Variants in SEPTIN14 observed in about 807,000 individuals in gnomAD.
SEPTIN14 encodes septin 14.
A neutral mutation model predicts 53.6 loss-of-function variants in SEPTIN14; 40 were observed. That is an observed-to-expected ratio of 0.75 (90% CI 0.58 to 0.97). The LOEUF (loss-of-function observed/expected upper bound fraction) is 0.97, where lower values mean the gene tolerates loss of function less well. SEPTIN14 is among the 50% of genes least tolerant of loss of function. SEPTIN14 has a pLI of 0.00. For missense variants in SEPTIN14, 471 were observed against 508.2 expected (o/e 0.93, Z 0.70); for synonymous variants, 138 against 166.8 (o/e 0.83, Z 1.33).
In SEPTIN14 at chr7:55,844,508, T is replaced by G; in HGVS notation, c.371+15A>C. On this transcript the variant is annotated intron_variant, in intron 4 of 9. Coordinates refer to ENST00000388975, the MANE Select transcript of SEPTIN14 (RefSeq NM_207366.3). ...ATAAGAAAACCTTTTTTAATTTAAA[T>G]AAGAAAACACTCACCTGGCTTCTTT... 7.1e-7 allele frequency: 1 copy of G among 1,401,900 alleles called. No homozygotes were observed. The highest frequency in any genetic ancestry group is 9.5e-7 in the Non-Finnish European group (1 of 1,050,536). The allele number at this position is 1,401,900 out of a possible 1,614,324, so 86.8% of individuals were successfully genotyped here.
chr7:55,814,181 C>T (rs1788754248), intron 7 of SEPTIN14, among the ~76,000 whole-genome samples: 1 of 152,116 alleles, frequency 6.6e-6, no homozygotes, highest in South Asian at 2.1e-4. Flanking sequence ...GCTTGGGGTA[C>T]CACCTAATAC....
At chr7:55,834,671 C>G (rs984687726) in intron 5 of SEPTIN14, 85 bp from the exon 6 acceptor site, 35 of 1,148,776 alleles carry the variant, frequency 3.0e-5, no homozygotes, top group Middle Eastern at 4.9e-4. Context: ...GAGACGGAGT[C>G]TCGCTTTGTC....
chr7:55,862,060 A>G (rs991960597), intron 1 of SEPTIN14, 49 bp from the exon 2 acceptor site: 28 of 1,127,072 alleles, frequency 2.5e-5, no homozygotes, highest in African/African-American at 4.7e-5. Context: ...TACAAAGGCT[A>G]TATTCTTACT....
At chr7:55,831,491 C>T (rs1445487696) in intron 6 of SEPTIN14, among the ~76,000 whole-genome samples, 1 of 152,082 alleles carries the variant, frequency 6.6e-6, no homozygotes, top group East Asian at 1.9e-4. Flanking sequence ...GTATTAATGA[C>T]TTAAATGAAA....
Position 55,807,096 on chromosome 7 carries a change from G to A in SEPTIN14, c.980C>T (p.Pro327Leu). 6.3e-7 allele frequency: 1 copy of A among 1,586,980 alleles called. No individual in the cohort carries two copies. The highest frequency in any genetic ancestry group is 8.5e-7 in the Non-Finnish European group (1 of 1,171,704). ...TAGCAATATTTTTACTCACCTAACT[G>A]GCTGGTTGTTTGGACCCACATCTGT... ...GFTDVGPNNQ[P>L]VSFQEIFEAK... Residue 327 changes from proline to leucine, a missense_variant, in exon 8 of 10, where the codon CCA becomes CTA. By Grantham distance (98) the Pro-to-Leu change is moderately conservative. Transcript: ENST00000388975.
At chr7:55,797,759 A>G (rs749222549) in intron 9 of SEPTIN14, among the ~76,000 whole-genome samples, 1 of 152,194 alleles carries the variant, frequency 6.6e-6, no homozygotes, top group Non-Finnish European at 1.5e-5. Context: ...ACCTGAGGTC[A>G]GGAGGTCAAG....
In SEPTIN14 at chr7:55,794,571, A is replaced by C. The variant is rs1454708402; in HGVS notation, c.*1342T>G. 2 of 152,204 alleles carry C rather than the reference A, an allele frequency of 1.3e-5. No individual in the cohort carries two copies. The highest frequency in any genetic ancestry group is 2.9e-5 in the Non-Finnish European group (2 of 68,046). 9.4% of individuals were successfully genotyped at this position (152,204 alleles called of 1,614,324 possible). A position where few individuals can be genotyped will look rare whatever the true frequency, so the allele number is the denominator to read the frequency against. On this transcript the variant is annotated 3_prime_UTR_variant, in exon 10 of 10. Coordinates refer to ENST00000388975, the MANE Select transcript of SEPTIN14 (RefSeq NM_207366.3). The stretch of plus-strand genomic sequence containing the variant: ...TAGAGTTTCCATTAAAAGATCATTT[A>C]GTAAAATTTTTCTTCCCCCAAATTA...
At chr7:55,801,400 A>G (rs75884534) in intron 9 of SEPTIN14, among the ~76,000 whole-genome samples, 2,301 of 152,266 alleles carry the variant, frequency 0.015, 57 homozygotes, top group African/African-American at 0.05. Flanking sequence ...TGAGACTACT[A>G]TGAAAAATTA....
intron 2 of SEPTIN14, among the ~76,000 whole-genome samples, chr7:55,857,544 G>A (rs1361035110): frequency 2.7e-4 from 31 of 116,030 alleles, no homozygotes; most frequent in African/African-American, 9.4e-4. Flanking sequence ...GAAAGGAAGA[G>A]AGGAGGGGAG....
chr7:55,846,600 C>A lies in SEPTIN14; in HGVS notation c.92G>T (p.Gly31Val). The A allele has an allele frequency of 6.6e-7, 1 of 1,510,530 alleles. No individual in the cohort carries two copies. The highest frequency in any genetic ancestry group is 9.2e-7 in the Non-Finnish European group (1 of 1,090,072). 93.6% of individuals were successfully genotyped at this position (1,510,530 alleles called of 1,614,324 possible). The change falls in exon 3 of 10, where the codon GGA becomes GTA. Residue 31 changes from glycine (G) to valine (V), a missense_variant. Coordinates refer to ENST00000388975, the MANE Select transcript of SEPTIN14 (RefSeq NM_207366.3). Reference protein sequence around the residue: ...ENNIRCLTTIGHFGFECLPNQ... With the variant: ...ENNIRCLTTIVHFGFECLPNQ... ...GGGCAAACATTCAAAACCAAAATGT[C>A]CAATCGTAGTTAAACAACGAATATT...
chr7:55,801,054 C>A (rs549865266), intron 9 of SEPTIN14, among the ~76,000 whole-genome samples: 1 of 151,902 alleles, frequency 6.6e-6, no homozygotes, highest in African/African-American at 2.4e-5. Flanking sequence ...TGGGATACAG[C>A]AAAAGCAGTT....
intron 6 of SEPTIN14, among the ~76,000 whole-genome samples, chr7:55,831,902 A>T (rs1789113537): frequency 6.6e-6 from 1 of 152,168 alleles, no homozygotes; most frequent in Non-Finnish European, 1.5e-5. Flanking sequence ...GAGAAATGCA[A>T]ATTAAAACCA....
intron 7 of SEPTIN14, among the ~76,000 whole-genome samples, chr7:55,818,640 T>C (rs775860258): frequency 2.0e-5 from 3 of 152,214 alleles, no homozygotes; most frequent in Non-Finnish European, 4.4e-5. Context: ...GTCAAAGGTA[T>C]AATCTCTAGC....
intron 5 of SEPTIN14, among the ~76,000 whole-genome samples, chr7:55,842,386 C>T (rs1789327115): frequency 6.6e-6 from 1 of 151,968 alleles, no homozygotes; most frequent in South Asian, 2.1e-4. Context: ...GTGGGTGGAT[C>T]ACTTGAGCCA....
In SEPTIN14 at chr7:55,807,124, A is replaced by T; in HGVS notation, c.952T>A (p.Phe318Ile). 1.2e-6 allele frequency: 2 copies of T among 1,603,138 alleles called. No homozygotes were observed. Among genetic ancestry groups the T allele is most frequent in the Non-Finnish European group, 1.7e-6 (2 of 1,177,028 alleles). Residue 318 changes from phenylalanine to isoleucine, a missense_variant, in exon 8 of 10, where the codon TTT becomes ATT. Phe to Ile is a conservative substitution (Grantham distance 21). Coordinates refer to ENST00000388975, the MANE Select transcript of SEPTIN14 (RefSeq NM_207366.3). ...YRYQKLQKMGFTDVGPNNQPV... is the reference protein window; with the variant it reads ...YRYQKLQKMGITDVGPNNQPV... ...TGGTTGTTTGGACCCACATCTGTAA[A>T]GCCCATTTTCTGCAGTTTTTGGTAC...
chr7:55,818,177 C>A (rs1788827776), intron 7 of SEPTIN14, among the ~76,000 whole-genome samples: 1 of 151,834 alleles, frequency 6.6e-6, no homozygotes, highest in African/African-American at 2.4e-5. Context: ...AATTTTTTAA[C>A]AACATCATTT....
chr7:55,830,235 T>C (rs1409557230), intron 6 of SEPTIN14, among the ~76,000 whole-genome samples: 33 of 149,060 alleles, frequency 2.2e-4, no homozygotes, highest in African/African-American at 7.1e-4. Context: ...TCCTTACATG[T>C]AGGCTCAATC....
intron 5 of SEPTIN14, among the ~76,000 whole-genome samples, chr7:55,836,537 A>G (rs545509768): frequency 1.3e-5 from 2 of 152,152 alleles, no homozygotes; most frequent in Admixed American, 1.3e-4. Flanking sequence ...CCAGGAGTTC[A>G]AGACCAGCCT....
At position 55,811,030 on chromosome 7, in the gene SEPTIN14, T is replaced by TTTCTTC. The variant is rs149200743; in HGVS notation, c.818-3778_818-3773dup. The TTTCTTC allele has an allele frequency of 2.3e-3, 1,048 of 455,730 alleles. 8 individuals carry two copies. The highest frequency in any genetic ancestry group is 0.019 in the African/African-American group (928 of 49,918). The allele number at this position is 455,730 out of a possible 1,614,324, so 28.2% of individuals were successfully genotyped here. On this transcript the variant is annotated intron_variant, in intron 7 of 9. Coordinates refer to ENST00000388975, the MANE Select transcript of SEPTIN14 (RefSeq NM_207366.3). ...GCAATTTGAAGATTCTTATGTTTAT[T>TTTCTTC]TTCTTCTTCTTCCTCTTCCACTATC...
Sources: allele counts gnomAD v4.1 joint callset (sites outside exome capture counted in the v4.1 genomes callset), GRCh38; gene constraint gnomAD v4.1.1; transcripts MANE v1.5; gene names NCBI Gene and HGNC (gene_info 2026-07-23, HGNC 2026-07-21).